The following KCNT1 variants were observed in gnomAD, a reference collection of about 807,000 sequenced individuals.
KCNT1 encodes potassium sodium-activated channel subfamily T member 1.
A neutral mutation model predicts 147.8 loss-of-function variants in KCNT1; 78 were observed. The ratio of observed to expected loss-of-function variants is 0.53; its 90% CI spans 0.44 to 0.64. KCNT1 has a LOEUF of 0.64. Among genes scored for constraint, KCNT1 ranks in the 30% least tolerant of loss-of-function variants. The pLI is 0.00. For missense variants in KCNT1, 1,419 were observed against 1,750.3 expected, an observed-to-expected ratio of 0.81 and a Z score of 3.38; for synonymous variants, 867 against 748.8, an observed-to-expected ratio of 1.16 and a Z score of -2.58.
Position 135,765,776 on chromosome 9 carries a change from C to A in KCNT1, c.1337+16C>A. 4.0e-6 allele frequency: 4 copies of A among 1,008,394 alleles called. No homozygotes were observed. The highest frequency in any genetic ancestry group is 1.9e-5 in the Admixed American group (1 of 52,478). 62.5% of individuals were successfully genotyped at this position (1,008,394 alleles called of 1,614,324 possible). ...TGCGAGCCAAGTGAGTGCTGGTGGG[C>A]GGAGGGGGTGGCATGGGGGCACCTT... On this transcript the variant is annotated intron_variant, in intron 13 of 30. Transcript: ENST00000371757.
chr9:135,785,822 G>GA (rs1323013264), intron 28 of KCNT1: 6 of 424,480 alleles, frequency 1.4e-5, no homozygotes, highest in Non-Finnish European at 2.6e-5. Context: ...TTGACACGCA[G>GA]AGGGGGTGAC....
chr9:135,703,862 C>T (rs1200444587), intron 1 of KCNT1, among the ~76,000 whole-genome samples: 1 of 152,200 alleles, frequency 6.6e-6, no homozygotes, highest in African/African-American at 2.4e-5. Flanking sequence ...CCCAATTGGC[C>T]CTGCCCACCG....
At chr9:135,770,601 C>T (rs140377335) in intron 17 of KCNT1, among the ~76,000 whole-genome samples, 154 bp downstream of exon 17, 3 of 152,282 alleles carry the variant, frequency 2.0e-5, no homozygotes, top group East Asian at 1.9e-4. Context: ...CGAGGGCAGC[C>T]GCAGGACTGG....
At position 135,775,510 on chromosome 9, in the gene KCNT1, C is replaced by T. The variant is rs570457124; in HGVS notation, c.2349+95C>T. 6.2e-5 allele frequency: 55 copies of T among 893,954 alleles called. No individual in the cohort carries two copies. The East Asian group carries it at 7.0e-4, about 11-fold the overall frequency. The allele number at this position is 893,954 out of a possible 1,614,324, so 55.4% of individuals were successfully genotyped here. ...GTTTCTCTTTGGTCACTTTACATTTCGATACCATTGCAAACTTCTAGCACA... is the reference window on the plus strand; with the variant it reads ...GTTTCTCTTTGGTCACTTTACATTTTGATACCATTGCAAACTTCTAGCACA... On this transcript the variant is annotated intron_variant, in intron 20 of 30. Transcript: ENST00000371757.
chr9:135,718,437 G>T (rs1199944557), intron 2 of KCNT1, among the ~76,000 whole-genome samples: 4 of 152,232 alleles, frequency 2.6e-5, no homozygotes, highest in Non-Finnish European at 5.9e-5. Flanking sequence ...ACTGGGATGG[G>T]GTCCTGGGCT....
chr9:135,718,900 C>T (rs1835819394), intron 2 of KCNT1, among the ~76,000 whole-genome samples: 2 of 152,344 alleles, frequency 1.3e-5, no homozygotes, highest in South Asian at 2.1e-4. Flanking sequence ...TACTGCTGGG[C>T]AGGCCGCTCC....
At chr9:135,774,444 G>GTGTT (rs1378996339) in intron 19 of KCNT1, among the ~76,000 whole-genome samples, 3 of 142,108 alleles carry the variant, frequency 2.1e-5, no homozygotes, top group Non-Finnish European at 3.1e-5. Context: ...GTGTGTCTGT[G>GTGTT]GTGTGTCTGT....
At chr9:135,777,619 A>G (rs529494983) in intron 21 of KCNT1, 109 bp downstream of exon 21, 1 of 1,032,648 alleles carries the variant, frequency 9.7e-7, no homozygotes, top group East Asian at 2.6e-5. Flanking sequence ...GCACGGGAAC[A>G]TGGGGCCTCT....
chr9:135,768,946 G>A lies in KCNT1; in HGVS notation c.1510+9G>A. ...TCACGTCAAGTTTGCTGGTGCGTCT[G>A]GGGCACACGTGGGTGATGGTGTATC... On this transcript the variant is annotated intron_variant, in intron 15 of 30. Transcript: ENST00000371757. 3 of 1,604,246 alleles carry A rather than the reference G, an allele frequency of 1.9e-6. No individual in the cohort carries two copies. In the East Asian group the frequency reaches 6.7e-5, roughly 36 times the overall value.
chr9:135,757,098 T>G, intron 7 of KCNT1, 58 bp from the exon 8 acceptor site: 5 of 325,722 alleles, frequency 1.5e-5, no homozygotes, highest in Non-Finnish European at 2.2e-5. Flanking sequence ...GCCCCTCCCC[T>G]GCTGGGCCCC....
chr9:135,785,471 T>G (rs1833970691), intron 28 of KCNT1, 141 bp downstream of exon 28: 1 of 1,038,272 alleles, frequency 9.6e-7, no homozygotes, highest in Non-Finnish European at 1.4e-6. Context: ...GTCCCACGGA[T>G]GTGTCGGCCC....
chr9:135,769,452 C>T (rs1176288807), intron 15 of KCNT1, among the ~76,000 whole-genome samples: 1 of 152,194 alleles, frequency 6.6e-6, no homozygotes, highest in Non-Finnish European at 1.5e-5. Context: ...CCCCCATCCT[C>T]ACCGCATCCG....
chr9:135,706,535 C>T (rs983128851), intron 1 of KCNT1, among the ~76,000 whole-genome samples: 5 of 152,330 alleles, frequency 3.3e-5, no homozygotes, highest in Non-Finnish European at 7.3e-5. Flanking sequence ...ACTCAGGCCT[C>T]GGAGGCTGAG....
intron 11 of KCNT1, 50 bp downstream of exon 11, chr9:135,759,909 G>A (rs753648078): frequency 7.9e-5 from 120 of 1,513,530 alleles, no homozygotes; most frequent in Middle Eastern, 5.6e-4. Context: ...AGGGACAGGC[G>A]GGTGCCAGTA....
intron 2 of KCNT1, among the ~76,000 whole-genome samples, chr9:135,731,983 TATATATATAG>T (rs1198268964): frequency 5.2e-4 from 13 of 24,904 alleles, no homozygotes; most frequent in Non-Finnish European, 8.3e-4. Context: ...TATATATATA[TATATATATAG>T]AGAGAGAGAG....
Position 135,791,825 on chromosome 9 carries a change from C to T in KCNT1, c.3531C>T (p.Leu1177=). 1 of 1,613,988 alleles carries T rather than the reference C, an allele frequency of 6.2e-7. No individual in the cohort carries two copies. The highest frequency in any genetic ancestry group is 8.5e-7 in the Non-Finnish European group (1 of 1,179,964). ...AGATGAACGACCACCAGAACACCCT[C>T]TCCTACGTCCTCATCAACCCTCCGC... The part of the protein sequence containing the change: ...YDEMNDHQNT[L]SYVLINPPPD... The change falls in exon 30 of 31, where the codon CTC becomes CTT. Residue 1177 remains leucine (L), a synonymous_variant. Coordinates refer to ENST00000371757, the MANE Select transcript of KCNT1 (RefSeq NM_020822.3).
In KCNT1 at chr9:135,772,894, G is replaced by C; in HGVS notation, c.2188G>C (p.Asp730His). Reference protein sequence around the residue: ...SALLPCDLLSDQSEDEVTPSD... With the variant: ...SALLPCDLLSHQSEDEVTPSD... ...CCTGCTGCCCTGCGACCTGCTGAGC[G>C]ACCAGTCGGAGGATGAGGTGACGCC... Residue 730 changes from aspartate to histidine, a missense_variant, in exon 19 of 31, where the codon GAC (aspartate) becomes CAC (histidine). Transcript: ENST00000371757. 6.4e-7 allele frequency: 1 copy of C among 1,558,580 alleles called. No homozygotes were observed.
chr9:135,777,516 G>A lies in KCNT1; in HGVS notation c.2522+6G>A. 2.5e-6 allele frequency: 4 copies of A among 1,611,344 alleles called. No individual in the cohort carries two copies. The highest frequency in any genetic ancestry group is 3.4e-6 in the Non-Finnish European group (4 of 1,179,218). Reference sequence around the variant, plus strand: ...GTGCTGCTGCTGGACAACAAGTGAGGCTCCTGGGGCTCAGCCCACCCCGCC... The same window carrying A: ...GTGCTGCTGCTGGACAACAAGTGAGACTCCTGGGGCTCAGCCCACCCCGCC... On this transcript the variant is annotated splice_donor_region_variant and intron_variant, in intron 21 of 30. Transcript: ENST00000371757.
At chr9:135,788,186 G>A (rs765013006) in intron 29 of KCNT1, 204 of 1,602,008 alleles carry the variant, frequency 1.3e-4, no homozygotes, top group Non-Finnish European at 1.6e-4. Context: ...GGCGGGTGCC[G>A]ACCACCGCAC....
Sources: gnomAD v4.1 joint callset for allele counts (sites outside exome capture counted in the v4.1 genomes callset) on GRCh38, gnomAD v4.1.1 for gene constraint, MANE v1.5 for transcripts, NCBI Gene and HGNC (gene_info 2026-07-23, HGNC 2026-07-21) for gene names.